Variants in TMEM74 observed in about 807,000 individuals in gnomAD.
The protein encoded by TMEM74 is transmembrane protein 74.
A neutral mutation model predicts 18.1 loss-of-function variants in TMEM74; 13 were observed. The observed-to-expected ratio is 0.72, with a 90% CI of 0.47 to 1.14. TMEM74 has a LOEUF of 1.14. Among genes scored for constraint, TMEM74 ranks in the 50% most tolerant of loss-of-function variants. The pLI is 0.00. For missense variants in TMEM74, 372 were observed against 375.9 expected, an observed-to-expected ratio of 0.99 and a Z score of 0.09; for synonymous variants, 159 against 146.6, an observed-to-expected ratio of 1.08 and a Z score of -0.61.
chr8:108,766,825 C>T (rs1213936279), intron 1 of TMEM74, among the ~76,000 whole-genome samples: 1 of 152,150 alleles, frequency 6.6e-6, no homozygotes, highest in Non-Finnish European at 1.5e-5. Context: ...GGCCCAAAAG[C>T]CCCGTGGCAA....
At chr8:108,660,026 C>G (rs1017858544) in intron 1 of TMEM74, among the ~76,000 whole-genome samples, 1 of 152,210 alleles carries the variant, frequency 6.6e-6, no homozygotes, top group South Asian at 2.1e-4. Flanking sequence ...TTCCACCTAA[C>G]CCCGCTTCCT....
intron 1 of TMEM74, among the ~76,000 whole-genome samples, chr8:108,691,608 T>C (rs1813231634): frequency 6.6e-6 from 1 of 152,170 alleles, no homozygotes. Context: ...CTGAGAGTGA[T>C]GCAATAATGA....
downstream of TMEM74, among the ~76,000 whole-genome samples, chr8:108,778,203 A>T (rs1398438901): frequency 6.6e-6 from 1 of 152,142 alleles, no homozygotes; most frequent in Non-Finnish European, 1.5e-5. Context: ...AACAGTCCCA[A>T]TTCTCCTCAT....
intron 1 of TMEM74, among the ~76,000 whole-genome samples, chr8:108,731,361 T>C (rs1197648318): frequency 6.6e-6 from 1 of 152,168 alleles, no homozygotes; most frequent in East Asian, 1.9e-4. Flanking sequence ...TTCTCAATAC[T>C]TGGAAACTCA....
intron 2 of TMEM74, among the ~76,000 whole-genome samples, chr8:108,647,021 T>A (rs1812727155): frequency 6.6e-6 from 1 of 152,166 alleles, no homozygotes; most frequent in Admixed American, 6.6e-5. Flanking sequence ...CCAAACAAGC[T>A]CTGTTTCTTG....
intron 1 of TMEM74, among the ~76,000 whole-genome samples, chr8:108,759,146 G>A (rs1393229919): frequency 6.6e-6 from 1 of 152,006 alleles, no homozygotes; most frequent in Non-Finnish European, 1.5e-5. Flanking sequence ...CTCAATGGAA[G>A]TAAAAAGGGG....
intron 1 of TMEM74, among the ~76,000 whole-genome samples, chr8:108,730,546 A>G (rs887533160): frequency 2.0e-5 from 3 of 151,848 alleles, no homozygotes; most frequent in African/African-American, 7.3e-5. Flanking sequence ...GGTTAATTAA[A>G]TTACTCATTT....
chr8:108,747,854 G>T (rs1813865479), intron 1 of TMEM74, among the ~76,000 whole-genome samples: 3 of 151,890 alleles, frequency 2.0e-5, no homozygotes, highest in African/African-American at 7.3e-5. Flanking sequence ...AAGGATAATG[G>T]CCTCCAGCTC....
chr8:108,699,173 CT>C (rs1813310817), intron 1 of TMEM74, among the ~76,000 whole-genome samples: 6 of 101,166 alleles, frequency 5.9e-5, no homozygotes, highest in African/African-American at 2.4e-4. Flanking sequence ...TCCTTCCTTC[CT>C]TCCTTCCTTC....
chr8:108,719,050 G>C (rs547843346), intron 1 of TMEM74, among the ~76,000 whole-genome samples: 2 of 151,422 alleles, frequency 1.3e-5, no homozygotes, highest in Non-Finnish European at 2.9e-5. Context: ...GCAGTGTTCC[G>C]ATAAAAATTA....
chr8:108,740,359 T>A (rs1339856170), intron 1 of TMEM74, among the ~76,000 whole-genome samples: 1 of 152,106 alleles, frequency 6.6e-6, no homozygotes, highest in Non-Finnish European at 1.5e-5. Context: ...GACCTAACCT[T>A]CAAAGACATG....
chr8:108,787,278 C>G (rs1049957047), intron 1 of TMEM74, among the ~76,000 whole-genome samples, 198 bp downstream of exon 1: 1 of 152,158 alleles, frequency 6.6e-6, no homozygotes, highest in African/African-American at 2.4e-5. Flanking sequence ...AGCGGTGCCC[C>G]CAGCAGGCGC....
At chr8:108,617,165 G>T (rs1391204) in intron 2 of TMEM74, among the ~76,000 whole-genome samples, 1 of 151,472 alleles carries the variant, frequency 6.6e-6, no homozygotes, top group South Asian at 2.1e-4. Context: ...GTATCATTGC[G>T]AAAAGAATTT....
chr8:108,673,671 C>T (rs1185155987), intron 1 of TMEM74, among the ~76,000 whole-genome samples: 1 of 151,962 alleles, frequency 6.6e-6, no homozygotes, highest in Non-Finnish European at 1.5e-5. Flanking sequence ...TTAAAATGTA[C>T]CTAAAGTAAG....
intron 1 of TMEM74, among the ~76,000 whole-genome samples, chr8:108,756,651 A>C (rs1165414128): frequency 1.5e-4 from 1 of 6,536 alleles, no homozygotes; most frequent in Non-Finnish European, 3.5e-4. Context: ...AGAAAGAAAG[A>C]GAAAGAAAGA....
chr8:108,701,195 C>T (rs1368937463), intron 1 of TMEM74, among the ~76,000 whole-genome samples: 1 of 123,740 alleles, frequency 8.1e-6, no homozygotes, highest in Non-Finnish European at 1.7e-5. Flanking sequence ...CCATTCATGA[C>T]TTAAAAAAAA....
rs144532461 is a variant in TMEM74 at position 108,638,790 on chromosome 8, G to A, written n.264+16503C>T. Among the ~76,000 whole-genome samples, 1,158 of 152,164 alleles carry A rather than the reference G, an allele frequency of 7.6e-3. 10 individuals are homozygous for A. The highest frequency in any genetic ancestry group is 0.012 in the Non-Finnish European group (832 of 67,966). ...TAATTTTCACACAGGTCTGTGATGC[G>A]GTGTGGTGGGCTGATCGCATTAATA... On this transcript the variant is annotated intron_variant and non_coding_transcript_variant, in intron 2 of 3. Coordinates refer to the TMEM74 transcript ENST00000518838.
At chr8:108,634,007 C>T (rs1227987342) in intron 2 of TMEM74, among the ~76,000 whole-genome samples, 1 of 151,940 alleles carries the variant, frequency 6.6e-6, no homozygotes, top group Non-Finnish European at 1.5e-5. Context: ...GAAGTGAATA[C>T]AAGCCAAAGA....
chr8:108,787,422 G>A (rs1340609373), intron 1 of TMEM74, 54 bp downstream of exon 1: 1 of 152,370 alleles, frequency 6.6e-6, no homozygotes, highest in South Asian at 2.1e-4. Context: ...TAGGCTCCAG[G>A]GCTCTCACCC....
Sources: allele counts gnomAD v4.1 joint callset (sites outside exome capture counted in the v4.1 genomes callset), GRCh38; gene constraint gnomAD v4.1.1; transcripts MANE v1.5; gene names NCBI Gene and HGNC (gene_info 2026-07-23, HGNC 2026-07-21).